The following HHLA2 variants were observed in gnomAD, a reference collection of about 807,000 sequenced individuals.
The protein encoded by HHLA2 is HERV-H LTR-associating protein 2.
A neutral mutation model predicts 45.9 loss-of-function variants in HHLA2; 48 were observed. The observed-to-expected ratio is 1.05, with a 90% CI of 0.83 to 1.33. The LOEUF (loss-of-function observed/expected upper bound fraction) is 1.33. Among genes scored for constraint, HHLA2 ranks in the 40% most tolerant of loss-of-function variants. The pLI is 0.00. For synonymous variants in HHLA2, 161 were observed against 173.9 expected (o/e 0.93, Z 0.59); for missense variants, 462 against 494.3 (o/e 0.93, Z 0.62).
chr3:108,301,037 AAAGG>A (rs2080840063), intron 1 of HHLA2, among the ~76,000 whole-genome samples: 1 of 152,096 alleles, frequency 6.6e-6, no homozygotes, highest in Admixed American at 6.6e-5. Flanking sequence ...CTTTCACTGG[AAAGG>A]AAGGAATTAT....
At chr3:108,354,644 G>A (rs907587536) in intron 5 of HHLA2, among the ~76,000 whole-genome samples, 1 of 152,000 alleles carries the variant, frequency 6.6e-6, no homozygotes. Flanking sequence ...TTTCTAATGG[G>A]TTGTTTTTCC....
chr3:108,325,605 C>T (rs1305169616), intron 2 of HHLA2: 1 of 240,836 alleles, frequency 4.2e-6, no homozygotes, highest in Non-Finnish European at 8.3e-6. Context: ...ACTAGAGTTT[C>T]TGCCTCCAAA....
chr3:108,319,684 C>T (rs2081165183), intron 2 of HHLA2, among the ~76,000 whole-genome samples: 1 of 152,194 alleles, frequency 6.6e-6, no homozygotes, highest in South Asian at 2.1e-4. Flanking sequence ...ACTGCTCTTG[C>T]GGTTTCTATC....
intron 3 of HHLA2, among the ~76,000 whole-genome samples, chr3:108,335,717 G>A (rs1211614001): frequency 2.0e-5 from 3 of 152,128 alleles, no homozygotes; most frequent in Non-Finnish European, 4.4e-5. Flanking sequence ...TGACCTGACG[G>A]TATGAATGCG....
chr3:108,353,810 A>G (rs1434488745), intron 5 of HHLA2, 30 bp downstream of exon 4: 1 of 1,501,230 alleles, frequency 6.7e-7, no homozygotes, highest in South Asian at 1.2e-5. Flanking sequence ...TTCATGAAAC[A>G]GCAATGACAT....
Position 108,349,203 on chromosome 3 carries a change from G to GT in HHLA2, c.-26-2577dup, listed in dbSNP as rs1190620291. On this transcript the variant is annotated intron_variant, in intron 3 of 10. Coordinates refer to ENST00000619531, the Ensembl canonical transcript of HHLA2. ...CAAAAAATCAATGAATCCAAGAGCTGTTTTTTTTAAAAAAAAAAATCAACA... is the reference window on the plus strand; with the variant it reads ...CAAAAAATCAATGAATCCAAGAGCTGTTTTTTTTTAAAAAAAAAAATCAACA... Among the ~76,000 whole-genome samples, 313 of 42,902 alleles carry GT rather than the reference G, an allele frequency of 7.3e-3. 1 individual carries two copies. The highest frequency in any genetic ancestry group is 0.019 in the Non-Finnish European group (254 of 13,094). 28.1% of individuals were successfully genotyped at this position (42,902 alleles called of 152,430 possible).
chr3:108,328,651 T>C (rs2107370966), intron 3 of HHLA2, among the ~76,000 whole-genome samples: 1 of 152,222 alleles, frequency 6.6e-6, no homozygotes, highest in Non-Finnish European at 1.5e-5. Context: ...TTCTGAGAAA[T>C]GGTAAATTTT....
intron 9 of HHLA2, 47 bp downstream of exon 8, chr3:108,375,847 A>T: frequency 6.3e-7 from 1 of 1,597,822 alleles, no homozygotes; most frequent in Non-Finnish European, 8.5e-7. Flanking sequence ...GTTCTGGAGG[A>T]GCAGTCAAAA....
chr3:108,314,327 C>T (rs1487156316), intron 2 of HHLA2, among the ~76,000 whole-genome samples: 1 of 130,142 alleles, frequency 7.7e-6, no homozygotes, highest in Admixed American at 8.7e-5. Context: ...AATCCATGGC[C>T]CTATACTGTC....
chr3:108,314,957 CT>C (rs1370376363), intron 2 of HHLA2, among the ~76,000 whole-genome samples: 1 of 152,150 alleles, frequency 6.6e-6, no homozygotes, highest in Non-Finnish European at 1.5e-5. Context: ...ATTTTTTCCC[CT>C]ACTTATCTGA....
At chr3:108,371,422 G>A (rs1185628478) in intron 8 of HHLA2, among the ~76,000 whole-genome samples, 3 of 152,106 alleles carry the variant, frequency 2.0e-5, no homozygotes, top group East Asian at 1.9e-4. Context: ...ATCAACTAAC[G>A]AGCAAAATAA....
intron 7 of HHLA2, among the ~76,000 whole-genome samples, chr3:108,359,239 C>A (rs2081949060): frequency 6.6e-6 from 1 of 151,846 alleles, no homozygotes; most frequent in Non-Finnish European, 1.5e-5. Context: ...GTCTTCCCAC[C>A]CAGAGATCTA....
At chr3:108,347,445 GT>G (rs1255885181) in intron 3 of HHLA2, among the ~76,000 whole-genome samples, 1 of 152,160 alleles carries the variant, frequency 6.6e-6, no homozygotes, top group Non-Finnish European at 1.5e-5. Context: ...GTGGGCTGCT[GT>G]GGGAAAGGAT....
At chr3:108,371,123 G>A (rs2082162628) in intron 8 of HHLA2, among the ~76,000 whole-genome samples, 1 of 152,216 alleles carries the variant, frequency 6.6e-6, no homozygotes, top group African/African-American at 2.4e-5. Context: ...ACTAACAGCT[G>A]ATCTCTTGGC....
chr3:108,350,120 A>G (rs569370749), intron 3 of HHLA2, among the ~76,000 whole-genome samples: 1 of 152,326 alleles, frequency 6.6e-6, no homozygotes, highest in East Asian at 1.9e-4. Flanking sequence ...ACTCTTCCAA[A>G]ATAATCATTG....
chr3:108,348,451 CA>C (rs1473179291), intron 3 of HHLA2, among the ~76,000 whole-genome samples: 2 of 152,064 alleles, frequency 1.3e-5, no homozygotes, highest in African/African-American at 4.8e-5. Flanking sequence ...GAAATGAAGA[CA>C]GCTATTTAGA....
intron 7 of HHLA2, among the ~76,000 whole-genome samples, chr3:108,359,297 CAA>C (rs1305845149): frequency 6.6e-6 from 1 of 151,990 alleles, no homozygotes; most frequent in Non-Finnish European, 1.5e-5. Context: ...CCATCTCTGA[CAA>C]AAGAGTATTT....
At position 108,314,167 on chromosome 3, in the gene HHLA2, G is replaced by T. The variant is rs112054362; in HGVS notation, c.-105+3426G>T. 6.3e-3 allele frequency among the ~76,000 whole-genome samples: 955 copies of T among 151,982 alleles called. 10 individuals are homozygous for T. Among genetic ancestry groups the T allele is most frequent in the African/African-American group, 0.022 (897 of 41,438 alleles). ...TGTGCACACAAACACTAGCAAGCTG[G>T]CAATCTGTTGTACTAAGATTTGTGC... On this transcript the variant is annotated intron_variant, in intron 2 of 10. Transcript: ENST00000619531.
chr3:108,319,212 C>CTT (rs35932503), intron 2 of HHLA2, among the ~76,000 whole-genome samples: 4 of 147,490 alleles, frequency 2.7e-5, no homozygotes, highest in Admixed American at 6.8e-5. Context: ...TAGTAAAATA[C>CTT]TTTTTTTTTT....
Sources: allele counts gnomAD v4.1 joint callset (sites outside exome capture counted in the v4.1 genomes callset), GRCh38; gene constraint gnomAD v4.1.1; transcripts MANE v1.5; gene names NCBI Gene and HGNC (gene_info 2026-07-23, HGNC 2026-07-21).